ADAMTS17: variants seen among roughly 807,000 people sequenced by gnomAD.
ADAMTS17 encodes the protein A disintegrin and metalloproteinase with thrombospondin motifs 17.
In ADAMTS17, 113 loss-of-function variants were observed where a neutral mutation model predicts 141.5. That is an observed-to-expected ratio of 0.80 (90% confidence interval 0.69 to 0.93). The LOEUF is 0.93. Ranked by LOEUF, ADAMTS17 falls within the 40% of genes least tolerant of loss-of-function variation. ADAMTS17 has a pLI of 0.00. For missense variants in ADAMTS17, 1,659 were observed against 1,517.9 expected (o/e 1.09, Z -1.54); for synonymous variants, 768 against 630.6 (o/e 1.22, Z -3.27).
intron 4 of ADAMTS17, among the ~76,000 whole-genome samples, chr15:100,268,692 A>AAG (rs1295490975): frequency 1.6e-4 from 25 of 152,328 alleles, no homozygotes; most frequent in African/African-American, 5.5e-4. Context: ...GACCTTTGTC[A>AAG]GATAGTTTGC....
intron 10 of ADAMTS17, among the ~76,000 whole-genome samples, chr15:100,140,499 ATATATATATC>A (rs1435189107): frequency 1.4e-5 from 2 of 146,844 alleles, no homozygotes; most frequent in African/African-American, 2.5e-5. Context: ...ATATATATAT[ATATATATATC>A]CAGTAAAGAC....
At chr15:100,297,143 A>C (rs1447012726) in intron 3 of ADAMTS17, among the ~76,000 whole-genome samples, 1 of 152,110 alleles carries the variant, frequency 6.6e-6, no homozygotes, top group Admixed American at 6.5e-5. Flanking sequence ...AGCTAGGAGG[A>C]GTCCAGAGAG....
rs139529727 is a variant in ADAMTS17 at position 99,998,330 on chromosome 15, C to T, written c.2592-741G>A. On this transcript the variant is annotated intron_variant, in intron 18 of 21. Transcript: ENST00000268070. ...TTCTAAAACTTCGGCTCAGGCTGGG[C>T]GGTGGCTGACGCCTGTAATCCCAGC... 6.6e-5 allele frequency among the ~76,000 whole-genome samples: 10 copies of T among 152,256 alleles called. 1 individual carries two copies. The highest frequency in any genetic ancestry group is 1.9e-4 in the East Asian group (1 of 5,174).
chr15:100,251,137 A>G (rs764229501), intron 7 of ADAMTS17, among the ~76,000 whole-genome samples: 4 of 152,224 alleles, frequency 2.6e-5, no homozygotes, highest in Admixed American at 1.3e-4. Flanking sequence ...TCACTGAGGT[A>G]TTAGAAAGAA....
chr15:100,179,890 A>C (rs1424523584), intron 8 of ADAMTS17, among the ~76,000 whole-genome samples: 1 of 152,146 alleles, frequency 6.6e-6, no homozygotes, highest in Non-Finnish European at 1.5e-5. Flanking sequence ...TTTTTTCCTA[A>C]GAGTTGTTTG....
At chr15:100,241,046 G>A (rs544180578) in intron 7 of ADAMTS17, among the ~76,000 whole-genome samples, 5 of 152,164 alleles carry the variant, frequency 3.3e-5, no homozygotes, top group African/African-American at 1.2e-4. Flanking sequence ...GGCTGGTCTC[G>A]AACTCCTGAC....
chr15:100,180,518 A>G lies in ADAMTS17; in HGVS notation c.1181+18800T>C, dbSNP rs138241593. On this transcript the variant is annotated intron_variant, in intron 8 of 21. Transcript: ENST00000268070. Reference sequence around the variant, plus strand: ...GCTATTTTGGGTCTTTTATGGTTCCATATAAATTTTAGGATTTTTTTTCTA... The same window carrying G: ...GCTATTTTGGGTCTTTTATGGTTCCGTATAAATTTTAGGATTTTTTTTCTA... 8.1e-3 allele frequency among the ~76,000 whole-genome samples: 1,227 copies of G among 152,260 alleles called. 7 individuals carry two copies. Among genetic ancestry groups the G allele is most frequent in the Non-Finnish European group, 0.011 (781 of 68,010 alleles).
intron 8 of ADAMTS17, among the ~76,000 whole-genome samples, chr15:100,159,178 G>A (rs1410779602): frequency 6.6e-6 from 1 of 152,276 alleles, no homozygotes; most frequent in East Asian, 1.9e-4. Flanking sequence ...CCCACGTTCA[G>A]TTACAGCATT....
chr15:100,098,316 G>A (rs1248662181), intron 14 of ADAMTS17, among the ~76,000 whole-genome samples: 1 of 152,092 alleles, frequency 6.6e-6, no homozygotes, highest in African/African-American at 2.4e-5. Flanking sequence ...TCTCGGTGTG[G>A]ACTGCTAGCC....
chr15:100,053,806 G>C, intron 16 of ADAMTS17, 91 bp downstream of exon 16: 5 of 1,595,926 alleles, frequency 3.1e-6, no homozygotes, highest in Non-Finnish European at 4.3e-6. Context: ...TCCTGCCCCC[G>C]AGGTCCCAGG....
At chr15:100,289,213 C>A (rs2044547467) in intron 3 of ADAMTS17, among the ~76,000 whole-genome samples, 1 of 152,164 alleles carries the variant, frequency 6.6e-6, no homozygotes, top group African/African-American at 2.4e-5. Flanking sequence ...ACTATGAACA[C>A]CTCTATGCAC....
At chr15:100,079,316 T>A (rs1327066110) in intron 15 of ADAMTS17, among the ~76,000 whole-genome samples, 2 of 152,166 alleles carry the variant, frequency 1.3e-5, no homozygotes, top group East Asian at 3.8e-4. Context: ...AATCAACCAA[T>A]GACTGTATTT....
chr15:100,108,412 G>A (rs553662344), intron 14 of ADAMTS17, among the ~76,000 whole-genome samples: 19 of 152,264 alleles, frequency 1.2e-4, no homozygotes, highest in Admixed American at 2.6e-4. Context: ...CTGGTCTTAT[G>A]ATCTTCCTGC....
intron 10 of ADAMTS17, among the ~76,000 whole-genome samples, chr15:100,139,976 G>A (rs1001417743): frequency 6.6e-6 from 1 of 152,002 alleles, no homozygotes; most frequent in Non-Finnish European, 1.5e-5. Flanking sequence ...CTACGGGCAT[G>A]TAAGATTTTT....
At position 100,093,244 on chromosome 15, in the gene ADAMTS17, C is replaced by T. The variant is rs972678124; in HGVS notation, c.2137+3112G>A. Among the ~76,000 whole-genome samples the T allele has an allele frequency of 1.4e-4, 21 of 152,128 alleles. No homozygotes were observed. The East Asian group carries it at 2.1e-3, about 15-fold the overall frequency. ...TTTGGCTCTGCTGGGCTGGACACTT[C>T]GCCACGTGTGGGTCTGCCCTGGATT... On this transcript the variant is annotated intron_variant, in intron 15 of 21. Transcript: ENST00000268070.
chr15:100,258,544 G>C (rs1168989678), intron 6 of ADAMTS17, among the ~76,000 whole-genome samples: 2 of 152,186 alleles, frequency 1.3e-5, no homozygotes, highest in African/African-American at 4.8e-5. Flanking sequence ...GTCTCACATG[G>C]CAGCAGGCAG....
chr15:100,340,065 C>T (rs556710934), intron 2 of ADAMTS17, among the ~76,000 whole-genome samples: 1 of 152,356 alleles, frequency 6.6e-6, no homozygotes, highest in African/African-American at 2.4e-5. Context: ...ACTGCCTCCC[C>T]AGAGGCCAGT....
At chr15:100,137,745 G>C (rs959370717) in intron 10 of ADAMTS17, among the ~76,000 whole-genome samples, 4 of 152,236 alleles carry the variant, frequency 2.6e-5, no homozygotes, top group African/African-American at 9.6e-5. Flanking sequence ...AGCAATGTGT[G>C]ATGAGCACAT....
intron 7 of ADAMTS17, among the ~76,000 whole-genome samples, chr15:100,236,764 G>A (rs778201575): frequency 3.9e-5 from 6 of 152,142 alleles, no homozygotes; most frequent in Non-Finnish European, 7.3e-5. Flanking sequence ...CTTGAGCCCA[G>A]GAGGTCGAGG....
Sources: allele counts gnomAD v4.1 joint callset (sites outside exome capture counted in the v4.1 genomes callset), GRCh38; gene constraint gnomAD v4.1.1; transcripts MANE v1.5; gene names NCBI Gene and HGNC (gene_info 2026-07-23, HGNC 2026-07-21).